Variants in NALF1 observed in about 807,000 individuals in gnomAD.
NALF1 encodes NALCN channel auxiliary factor 1.
Under a neutral mutation model 48.4 loss-of-function variants are expected in NALF1, and 3 were observed. The observed-to-expected ratio is 0.06, with a 90% CI of 0.03 to 0.16. NALF1 has a LOEUF of 0.16. Among genes scored for constraint, NALF1 ranks in the 10% least tolerant of loss-of-function variants. The pLI, the probability that NALF1 is intolerant of heterozygous loss-of-function variation, is 1.00. For synonymous variants in NALF1, 262 were observed against 245.7 expected, an observed-to-expected ratio of 1.07 and a Z score of -0.62; for missense variants, 526 against 571.5, an observed-to-expected ratio of 0.92 and a Z score of 0.81.
At chr13:107,476,934 T>C (rs1885183780) in intron 1 of NALF1, among the ~76,000 whole-genome samples, 1 of 152,134 alleles carries the variant, frequency 6.6e-6, no homozygotes, top group Non-Finnish European at 1.5e-5. Flanking sequence ...AAATGGACAA[T>C]ATTTTTTTAG....
At chr13:107,383,311 T>G (rs1417211420) in intron 1 of NALF1, among the ~76,000 whole-genome samples, 1 of 152,228 alleles carries the variant, frequency 6.6e-6, no homozygotes, top group Non-Finnish European at 1.5e-5. Context: ...ATTGGTTTTA[T>G]AACCTGAAAA....
intron 1 of NALF1, among the ~76,000 whole-genome samples, chr13:107,377,298 A>G (rs1453985501): frequency 6.6e-6 from 1 of 152,228 alleles, no homozygotes; most frequent in Middle Eastern, 3.2e-3. Context: ...TTGCAGAGCT[A>G]GAGAAGAAGG....
chr13:107,807,484 T>C (rs1188433432), intron 1 of NALF1, among the ~76,000 whole-genome samples: 1 of 152,222 alleles, frequency 6.6e-6, no homozygotes, highest in Non-Finnish European at 1.5e-5. Context: ...GGAAAAGTCA[T>C]TGAGCCAGTA....
At chr13:107,423,471 T>C (rs1301897749) in intron 1 of NALF1, among the ~76,000 whole-genome samples, 2 of 152,158 alleles carry the variant, frequency 1.3e-5, no homozygotes, top group Non-Finnish European at 2.9e-5. Context: ...CAGTATTTTA[T>C]AGAATTTTCC....
chr13:107,210,069 G>GAC (rs34075188), intron 2 of NALF1, among the ~76,000 whole-genome samples: 3,800 of 150,334 alleles, frequency 0.025, 66 homozygotes, highest in African/African-American at 0.048. Context: ...GGCTCTAATA[G>GAC]ACACACACAC....
chr13:107,857,496 C>T (rs998892494), intron 1 of NALF1, among the ~76,000 whole-genome samples: 1 of 152,180 alleles, frequency 6.6e-6, no homozygotes, highest in Non-Finnish European at 1.5e-5. Context: ...AATGGTTTCT[C>T]CCCTTGTCCT....
chr13:107,405,799 G>C (rs1038899186), intron 1 of NALF1, among the ~76,000 whole-genome samples: 1 of 152,106 alleles, frequency 6.6e-6, no homozygotes, highest in South Asian at 2.1e-4. Flanking sequence ...AGGTTTCTGT[G>C]CTGGCAAAGA....
chr13:107,357,144 A>G (rs1273557724), intron 1 of NALF1, among the ~76,000 whole-genome samples: 2 of 152,222 alleles, frequency 1.3e-5, no homozygotes, highest in Non-Finnish European at 2.9e-5. Flanking sequence ...GAGACTGGGT[A>G]ATTTACAAAG....
chr13:107,191,831 CTA>C (rs1230922249), intron 2 of NALF1, among the ~76,000 whole-genome samples: 2 of 93,564 alleles, frequency 2.1e-5, no homozygotes, highest in African/African-American at 9.2e-5. Context: ...GCCACTATGC[CTA>C]TTTTTTTTTT....
chr13:107,353,988 C>A (rs773055507), intron 1 of NALF1, among the ~76,000 whole-genome samples: 4 of 152,168 alleles, frequency 2.6e-5, no homozygotes, highest in Non-Finnish European at 5.9e-5. Flanking sequence ...CTCATAACAA[C>A]CTCAAACTAG....
intron 1 of NALF1, among the ~76,000 whole-genome samples, chr13:107,335,889 T>C (rs1882546663): frequency 6.6e-6 from 1 of 152,220 alleles, no homozygotes; most frequent in Non-Finnish European, 1.5e-5. Context: ...ATCTTGATCC[T>C]TTTATTAGTT....
intron 1 of NALF1, among the ~76,000 whole-genome samples, chr13:107,781,066 T>C (rs568275692): frequency 6.6e-6 from 1 of 152,342 alleles, no homozygotes; most frequent in African/African-American, 2.4e-5. Context: ...TTATCAAATT[T>C]ATAGTGGATT....
At position 107,168,361 on chromosome 13, in the gene NALF1, TTAA is replaced by T. The variant is rs1878710897; in HGVS notation, c.*2133_*2135del. ...TTTCACAGTCAACAATTCCATGCAA[TTAA>T]TGTGTCTCCCCCGAGCCATTCACTT... On this transcript the variant is annotated 3_prime_UTR_variant, in exon 3 of 3. Transcript: ENST00000375915. The T allele has an allele frequency of 6.6e-6, 1 of 152,216 alleles. No individual in the cohort carries two copies. Among genetic ancestry groups the T allele is most frequent in the African/African-American group, 2.4e-5 (1 of 41,446 alleles). The allele number at this position is 152,216 out of a possible 1,614,324, so 9.4% of individuals were successfully genotyped here. A position where few individuals can be genotyped will look rare whatever the true frequency, so the allele number is the denominator to read the frequency against.
At chr13:107,357,855 TCAAA>T (rs1882990156) in intron 1 of NALF1, among the ~76,000 whole-genome samples, 1 of 152,200 alleles carries the variant, frequency 6.6e-6, no homozygotes, top group Non-Finnish European at 1.5e-5. Context: ...TGAGGGGTTT[TCAAA>T]CAAACAGCTC....
chr13:107,433,934 G>A (rs1037977557), intron 1 of NALF1, among the ~76,000 whole-genome samples: 1 of 152,096 alleles, frequency 6.6e-6, no homozygotes, highest in African/African-American at 2.4e-5. Context: ...GAGGACCCAG[G>A]ATCTCACAGA....
chr13:107,570,232 T>C (rs974270192), intron 1 of NALF1, among the ~76,000 whole-genome samples: 1 of 152,090 alleles, frequency 6.6e-6, no homozygotes, highest in Non-Finnish European at 1.5e-5. Context: ...CTATATTAAA[T>C]AGCAGTGAGA....
At chr13:107,223,589 A>G (rs529516471) in intron 1 of NALF1, among the ~76,000 whole-genome samples, 51 of 152,338 alleles carry the variant, frequency 3.3e-4, no homozygotes, top group Non-Finnish European at 5.3e-4. Context: ...AATTCAAATG[A>G]AGATACACAG....
At chr13:107,706,304 A>T (rs962399263) in intron 1 of NALF1, among the ~76,000 whole-genome samples, 6 of 152,188 alleles carry the variant, frequency 3.9e-5, no homozygotes, top group African/African-American at 1.4e-4. Flanking sequence ...TGGACCCTAT[A>T]AATTTCATCT....
At chr13:107,338,082 T>C (rs1244636449) in intron 1 of NALF1, among the ~76,000 whole-genome samples, 1 of 152,208 alleles carries the variant, frequency 6.6e-6, no homozygotes, top group African/African-American at 2.4e-5. Context: ...ATCTCCAAAA[T>C]TGGGATGTTT....
Sources: allele counts gnomAD v4.1 joint callset (sites outside exome capture counted in the v4.1 genomes callset), GRCh38; gene constraint gnomAD v4.1.1; transcripts MANE v1.5; gene names NCBI Gene and HGNC (gene_info 2026-07-23, HGNC 2026-07-21).